Variants in ECE2 observed in about 807,000 individuals in gnomAD.
ECE2 encodes the protein endothelin converting enzyme 2.
Under a neutral mutation model 100.6 loss-of-function variants are expected in ECE2, and 81 were observed. That is an observed-to-expected ratio of 0.81 (90% confidence interval 0.67 to 0.97). The LOEUF is 0.97. ECE2 is among the 50% of genes least tolerant of loss of function. The pLI is 0.00. For missense variants in ECE2, 911 were observed against 988.1 expected (o/e 0.92, Z 1.05); for synonymous variants, 391 against 391.5 (o/e 1.00, Z 0.02).
chr3:184,285,406 C>G (rs1687230), intron 9 of ECE2, 72 bp from the exon 10 acceptor site: 2 of 1,226,624 alleles, frequency 1.6e-6, no homozygotes, highest in African/African-American at 1.5e-5. Flanking sequence ...CTTGCATGTT[C>G]CTGGGGGCTG....
At chr3:184,278,908 C>A in intron 7 of ECE2, 1 of 265,330 alleles carries the variant, frequency 3.8e-6, no homozygotes, top group Non-Finnish European at 7.2e-6. Context: ...ACAAGAGGGT[C>A]CTGAGGATTC....
rs754311707 is a variant in ECE2 at position 184,276,229 on chromosome 3, G to C, written c.39+37G>C. 2.2e-5 allele frequency: 32 copies of C among 1,445,866 alleles called. No individual in the cohort carries two copies. The African/African-American group carries it at 4.4e-4, about 20-fold the overall frequency. The allele number at this position is 1,445,866 out of a possible 1,614,324, so 89.6% of individuals were successfully genotyped here. A position where few individuals can be genotyped will look rare whatever the true frequency, so the allele number is the denominator to read the frequency against. On this transcript the variant is annotated intron_variant, in intron 1 of 18. Coordinates refer to ENST00000404464, the MANE Select transcript of ECE2 (RefSeq NM_001100121.2). ...CCCCGGGCTCCACGGGAGGGGACTG[G>C]GTGGAGGGGGACGAGGCAGAGGGGT...
At chr3:184,277,221 C>G in intron 3 of ECE2, 30 bp from the exon 4 acceptor site, 1 of 1,613,292 alleles carries the variant, frequency 6.2e-7, no homozygotes, top group Non-Finnish European at 8.5e-7. Flanking sequence ...CTGACAGTCT[C>G]CTACCCTCCG....
At position 184,287,827 on chromosome 3, in the gene ECE2, C is replaced by G; in HGVS notation, c.1264-10C>G. ...CATCTCTAGGGTCCTGGCTCTTTGT[C>G]CTTTAACAGTCCTGTGTGCCGAGGT... On this transcript the variant is annotated splice_polypyrimidine_tract_variant and intron_variant, in intron 10 of 18. Coordinates refer to ENST00000404464, the MANE Select transcript of ECE2 (RefSeq NM_001100121.2). The G allele has an allele frequency of 6.2e-7, 1 of 1,613,630 alleles. No homozygotes were observed. Among genetic ancestry groups the G allele is most frequent in the Non-Finnish European group, 8.5e-7 (1 of 1,179,552 alleles).
chr3:184,277,103 T>C (rs1240149816), intron 3 of ECE2, 76 bp downstream of exon 3: 1 of 1,604,482 alleles, frequency 6.2e-7, no homozygotes, highest in East Asian at 2.2e-5. Flanking sequence ...AGATTTTCAC[T>C]TGTGGGAACC....
Position 184,292,254 on chromosome 3 carries a change from G to C in ECE2, c.*16G>C. ...GGTGTGGTAGACCTGGATCAGGGGA[G>C]AAATGGCCAGCTGTCACCAGACCTG... On this transcript the variant is annotated 3_prime_UTR_variant, in exon 19 of 19. Coordinates refer to ENST00000404464, the MANE Select transcript of ECE2 (RefSeq NM_001100121.2). The C allele has an allele frequency of 6.2e-7, 1 of 1,613,382 alleles. No homozygotes were observed. Among genetic ancestry groups the C allele is most frequent in the Non-Finnish European group, 8.5e-7 (1 of 1,179,494 alleles).
Position 184,291,926 on chromosome 3 carries a change from G to A in ECE2, c.2122-136G>A. On this transcript the variant is annotated intron_variant, in intron 18 of 18. Coordinates refer to ENST00000404464, the MANE Select transcript of ECE2 (RefSeq NM_001100121.2). The surrounding 1 kb of genome is among the most constrained non-coding windows in gnomAD (Gnocchi z 4.1). ...TCATGTCCATGCTGGGCAACCCGATGTCCAGGGCAGTTTTGGAAGGAACTT... is the reference window on the plus strand; with the variant it reads ...TCATGTCCATGCTGGGCAACCCGATATCCAGGGCAGTTTTGGAAGGAACTT... 1.0e-6 allele frequency: 1 copy of A among 995,892 alleles called. No individual in the cohort carries two copies. Among genetic ancestry groups the A allele is most frequent in the Non-Finnish European group, 1.5e-6 (1 of 677,094 alleles). The allele number at this position is 995,892 out of a possible 1,614,324, so 61.7% of individuals were successfully genotyped here.
chr3:184,279,523 G>A (rs1376584797), intron 7 of ECE2, among the ~76,000 whole-genome samples: 1 of 151,774 alleles, frequency 6.6e-6, no homozygotes, highest in Non-Finnish European at 1.5e-5. Context: ...AGGCATGGTG[G>A]TGTGCACCTG....
intron 8 of ECE2, among the ~76,000 whole-genome samples, chr3:184,284,188 T>C (rs967578112): frequency 2.0e-5 from 3 of 152,116 alleles, no homozygotes; most frequent in Admixed American, 1.3e-4. Context: ...CTTTCTTGCC[T>C]GGGGATGCAT....
chr3:184,292,507 A>C lies in ECE2; in HGVS notation c.*269A>C. 2.0e-6 allele frequency: 1 copy of C among 506,834 alleles called. No individual in the cohort carries two copies. Among genetic ancestry groups the C allele is most frequent in the South Asian group, 2.6e-5 (1 of 37,834 alleles). 31.4% of individuals were successfully genotyped at this position (506,834 alleles called of 1,614,324 possible). ...TGGAAGAGGTCTGGGTGGGGAGGCC[A>C]GTTCCCATAGGAAGGAGTCTGCCTC... On this transcript the variant is annotated 3_prime_UTR_variant, in exon 19 of 19. Transcript: ENST00000404464.
At chr3:184,288,027 G>A in intron 11 of ECE2, 80 bp downstream of exon 11, 1 of 1,353,802 alleles carries the variant, frequency 7.4e-7, no homozygotes, top group Non-Finnish European at 1.0e-6. Flanking sequence ...AAAAACAACG[G>A]GAGCCAGGCG....
chr3:184,289,507 A>C lies in ECE2; in HGVS notation c.1445A>C (p.Glu482Ala). Residue 482 changes from glutamate (E) to alanine (A), a missense_variant, in exon 12 of 19, where the codon GAG becomes GCG. Coordinates refer to ENST00000404464, the MANE Select transcript of ECE2 (RefSeq NM_001100121.2). The surrounding 1 kb of genome is among the most constrained non-coding windows in gnomAD (Gnocchi z 4.1). ...EALGQLVWMD[E>A]KTRQAAKEKA... ...CTGGGACAGCTGGTTTGGATGGATG[A>C]GAAGACCCGCCAGGCAGCCAAGGAG... 6.2e-7 allele frequency: 1 copy of C among 1,612,752 alleles called. No individual in the cohort carries two copies. The highest frequency in any genetic ancestry group is 1.7e-5 in the Admixed American group (1 of 59,766).
rs779309583 is a variant in ECE2, at chr3:184,278,549, A to C, written c.808A>C (p.Asn270His). ...GGATTACTACTTAAACAGAACTGCC[A>C]ATGAGAAAGTAAGGAACATCTTCCG... Reference protein sequence around the residue: ...SRDYYLNRTANEKVLTAYLDY... With the variant: ...SRDYYLNRTAHEKVLTAYLDY... Residue 270 changes from asparagine (N) to histidine (H), a missense_variant, in exon 7 of 19, where the codon AAT becomes CAT. Transcript: ENST00000404464. 1 of 1,614,036 alleles carries C rather than the reference A, an allele frequency of 6.2e-7. No homozygotes were observed. The highest frequency in any genetic ancestry group is 1.1e-5 in the South Asian group (1 of 91,084).
intron 7 of ECE2, among the ~76,000 whole-genome samples, chr3:184,283,561 C>CAAAAAAA (rs35761542): frequency 7.3e-4 from 39 of 53,104 alleles, no homozygotes; most frequent in South Asian, 1.1e-3. Flanking sequence ...GACTCCATCT[C>CAAAAAAA]AAAAAAAAAA....
chr3:184,289,306 T>C lies in ECE2; in HGVS notation c.1375-131T>C. 2 of 763,368 alleles carry C rather than the reference T, an allele frequency of 2.6e-6. No individual in the cohort carries two copies. Among genetic ancestry groups the C allele is most frequent in the East Asian group, 2.7e-5 (1 of 36,860 alleles). 47.3% of individuals were successfully genotyped at this position (763,368 alleles called of 1,614,324 possible). A position where few individuals can be genotyped will look rare whatever the true frequency, so the allele number is the denominator to read the frequency against. Reference sequence around the variant, plus strand: ...TTTCCTTCTCATCGTCTCCAGGTGCTCAGCCGTATTTCTTTAGTCTAGACG... The same window carrying C: ...TTTCCTTCTCATCGTCTCCAGGTGCCCAGCCGTATTTCTTTAGTCTAGACG... On this transcript the variant is annotated intron_variant, in intron 11 of 18. Coordinates refer to ENST00000404464, the MANE Select transcript of ECE2 (RefSeq NM_001100121.2). The surrounding 1 kb of genome is among the most constrained non-coding windows in gnomAD (Gnocchi z 4.1).
At chr3:184,279,536 A>G (rs922096404) in intron 7 of ECE2, among the ~76,000 whole-genome samples, 2 of 151,594 alleles carry the variant, frequency 1.3e-5, no homozygotes, top group Admixed American at 1.3e-4. Flanking sequence ...TGCACCTGTA[A>G]TCTCAGCTAC....
Position 184,290,601 on chromosome 3 carries a change from C to A in ECE2, c.1700C>A (p.Thr567Asn). The change falls in exon 15 of 19, where the codon ACT (threonine) becomes AAT (asparagine). Residue 567 changes from threonine to asparagine, a missense_variant. Coordinates refer to ENST00000404464, the MANE Select transcript of ECE2 (RefSeq NM_001100121.2). ...ACAGTGAATGCCTACTACCTTCCAA[C>A]TAAGAATGAGATCGTCTTCCCCGCT... Reference protein sequence around the residue: ...PQTVNAYYLPTKNEIVFPAGI... With the variant: ...PQTVNAYYLPNKNEIVFPAGI... 1.2e-6 allele frequency: 2 copies of A among 1,614,192 alleles called. No homozygotes were observed. Among genetic ancestry groups the A allele is most frequent in the South Asian group, 2.2e-5 (2 of 91,090 alleles).
intron 10 of ECE2, among the ~76,000 whole-genome samples, chr3:184,285,891 C>CAT: frequency 6.6e-6 from 1 of 152,238 alleles, no homozygotes; most frequent in Admixed American, 6.5e-5. Flanking sequence ...CTGCACAGTA[C>CAT]ATGGTATGTA....
At position 184,278,155 on chromosome 3, in the gene ECE2, G is replaced by A. The variant is rs752550724; in HGVS notation, c.604-12G>A. 19 of 1,613,848 alleles carry A rather than the reference G, an allele frequency of 1.2e-5. No homozygotes were observed. Among genetic ancestry groups the A allele is most frequent in the Middle Eastern group, 1.6e-4 (1 of 6,082 alleles). On this transcript the variant is annotated splice_polypyrimidine_tract_variant and intron_variant, in intron 5 of 18. Coordinates refer to ENST00000404464, the MANE Select transcript of ECE2 (RefSeq NM_001100121.2). ...TCCTGCACTAATCATTCCACTTATGGTCTCTACATAGATTGGTGGTTGGAA... is the reference window on the plus strand; with the variant it reads ...TCCTGCACTAATCATTCCACTTATGATCTCTACATAGATTGGTGGTTGGAA...
Sources: allele counts gnomAD v4.1 joint callset (sites outside exome capture counted in the v4.1 genomes callset), GRCh38; gene constraint gnomAD v4.1.1; non-coding constraint Gnocchi (gnomAD v3.1); transcripts MANE v1.5; gene names NCBI Gene and HGNC (gene_info 2026-07-23, HGNC 2026-07-21).